The following VIPR2 variants were observed in gnomAD, a reference collection of about 807,000 sequenced individuals.
The protein encoded by VIPR2 is vasoactive intestinal peptide receptor 2, also known as vasoactive intestinal polypeptide receptor 2.
Under a neutral mutation model 58.0 loss-of-function variants are expected in VIPR2, and 48 were observed. The ratio of observed to expected loss-of-function variants is 0.83; its 90% CI spans 0.66 to 1.05. VIPR2 has a LOEUF of 1.05. VIPR2 is among the 50% of genes least tolerant of loss of function. The pLI is 0.00. For synonymous variants in VIPR2, 243 were observed against 235.2 expected (o/e 1.03, Z -0.30); for missense variants, 534 against 558.0 (o/e 0.96, Z 0.43).
chr7:159,056,558 C>CAAATA (rs1855338646), intron 5 of VIPR2, among the ~76,000 whole-genome samples: 1 of 152,096 alleles, frequency 6.6e-6, no homozygotes, highest in Non-Finnish European at 1.5e-5. Flanking sequence ...GGATGACTCC[C>CAAATA]CTACAAAGCT....
At chr7:159,035,576 C>T (rs754842398) in intron 8 of VIPR2, among the ~76,000 whole-genome samples, 7 of 152,150 alleles carry the variant, frequency 4.6e-5, no homozygotes, top group Middle Eastern at 3.2e-3. Flanking sequence ...TAGGAAGTGC[C>T]GGGGGGCCCT....
chr7:159,117,160 G>A (rs545127674), intron 2 of VIPR2: 3 of 622,244 alleles, frequency 4.8e-6, no homozygotes, highest in South Asian at 1.9e-5. Context: ...AGGACGGAGT[G>A]CGGGAGCCAG....
intron 6 of VIPR2, among the ~76,000 whole-genome samples, chr7:159,040,257 T>A (rs757690533): frequency 2.0e-5 from 3 of 152,128 alleles, no homozygotes; most frequent in Non-Finnish European, 4.4e-5. Flanking sequence ...CCCACAGGGT[T>A]GATGTGAGGA....
chr7:159,036,661 C>T lies in VIPR2; in HGVS notation c.748+91G>A, dbSNP rs141052651. 122 of 1,456,322 alleles carry T rather than the reference C, an allele frequency of 8.4e-5. 1 individual carries two copies. The African/African-American group carries it at 1.3e-3, about 16-fold the overall frequency. The allele number at this position is 1,456,322 out of a possible 1,614,324, so 90.2% of individuals were successfully genotyped here. A position where few individuals can be genotyped will look rare whatever the true frequency, so the allele number is the denominator to read the frequency against. ...GACCCTGACATGCATTCTACGGGGGCGGCAAAGTGTTTTCTGAGCTGAAAA... is the reference window on the plus strand; with the variant it reads ...GACCCTGACATGCATTCTACGGGGGTGGCAAAGTGTTTTCTGAGCTGAAAA... On this transcript the variant is annotated intron_variant, in intron 7 of 12. Coordinates refer to ENST00000262178, the MANE Select transcript of VIPR2 (RefSeq NM_003382.5).
At chr7:159,110,935 A>G (rs114511721) in intron 2 of VIPR2, among the ~76,000 whole-genome samples, 2,786 of 152,360 alleles carry the variant, frequency 0.018, 69 homozygotes, top group African/African-American at 0.063. Flanking sequence ...TATATTTATT[A>G]TAAAATAAAA....
chr7:159,114,645 A>C (rs913355912), intron 2 of VIPR2, among the ~76,000 whole-genome samples: 2 of 152,196 alleles, frequency 1.3e-5, no homozygotes, highest in African/African-American at 4.8e-5. Context: ...ATTTGTTAAA[A>C]ATAGCAAGCA....
chr7:159,036,135 TGTTTA>T, intron 7 of VIPR2, 123 bp from the exon 8 acceptor site: 1 of 1,164,738 alleles, frequency 8.6e-7, no homozygotes, highest in Non-Finnish European at 1.2e-6. Flanking sequence ...TGCAATCTCT[TGTTTA>T]AAGTCTTTGT....
At chr7:159,085,924 C>T (rs113719140) in intron 4 of VIPR2, among the ~76,000 whole-genome samples, 2,969 of 152,224 alleles carry the variant, frequency 0.02, 105 homozygotes, top group African/African-American at 0.066. Flanking sequence ...GCTGTGATGG[C>T]GGGTCCTTGT....
chr7:159,038,998 G>A (rs919179193), intron 6 of VIPR2, among the ~76,000 whole-genome samples: 2 of 152,200 alleles, frequency 1.3e-5, no homozygotes, highest in Non-Finnish European at 1.5e-5. Context: ...CAGGTGCGCT[G>A]CCCTGGAGTG....
At chr7:159,135,019 T>TTTTTTTTTTTTTTG (rs1797150641) in intron 2 of VIPR2, among the ~76,000 whole-genome samples, 1 of 130,608 alleles carries the variant, frequency 7.7e-6, no homozygotes, top group Non-Finnish European at 1.6e-5. Context: ...TTTTTTTTTT[T>TTTTTTTTTTTTTTG]TTTTTTTTTT....
intron 4 of VIPR2, among the ~76,000 whole-genome samples, chr7:159,063,426 G>A (rs1303151630): frequency 1.3e-5 from 2 of 152,008 alleles, no homozygotes; most frequent in Non-Finnish European, 2.9e-5. Flanking sequence ...CCGGCCGGCC[G>A]CTCCAAGTGC....
At chr7:159,139,526 C>A (rs778533257) in intron 2 of VIPR2, among the ~76,000 whole-genome samples, 76 of 152,218 alleles carry the variant, frequency 5.0e-4, no homozygotes, top group Non-Finnish European at 9.3e-4. Context: ...GGAATGACCT[C>A]AAACCCTCCA....
intron 2 of VIPR2, among the ~76,000 whole-genome samples, chr7:159,114,966 A>G (rs1796183347): frequency 6.6e-6 from 1 of 152,256 alleles, no homozygotes; most frequent in African/African-American, 2.4e-5. Flanking sequence ...ACAATGTGTC[A>G]TAAGTTGCAG....
intron 4 of VIPR2, among the ~76,000 whole-genome samples, chr7:159,079,778 A>T (rs1307910665): frequency 1.3e-5 from 2 of 152,232 alleles, no homozygotes; most frequent in Non-Finnish European, 2.9e-5. Flanking sequence ...AAAATGACAA[A>T]GGGGCTATCA....
chr7:159,060,168 C>G (rs1855560053), intron 4 of VIPR2, among the ~76,000 whole-genome samples: 1 of 150,634 alleles, frequency 6.6e-6, no homozygotes, highest in African/African-American at 2.4e-5. Context: ...CACCTTCACT[C>G]ACCTAACCAC....
chr7:159,043,292 G>C (rs953614698), intron 5 of VIPR2, 116 bp from the exon 6 acceptor site: 5 of 931,934 alleles, frequency 5.4e-6, no homozygotes, highest in Non-Finnish European at 7.4e-6. Context: ...AAAAATAAAA[G>C]AGTTGAGGGC....
intron 5 of VIPR2, among the ~76,000 whole-genome samples, chr7:159,044,775 T>G (rs754811708): frequency 3.9e-5 from 6 of 152,002 alleles, no homozygotes; most frequent in Non-Finnish European, 8.8e-5. Flanking sequence ...AAGCAGGTTT[T>G]TTTTTTTGGA....
At chr7:159,062,153 G>A (rs1412937842) in intron 4 of VIPR2, among the ~76,000 whole-genome samples, 3 of 152,184 alleles carry the variant, frequency 2.0e-5, no homozygotes, top group Admixed American at 1.3e-4. Flanking sequence ...GGGGGCCCGC[G>A]GGCCTTCCCG....
intron 3 of VIPR2, among the ~76,000 whole-genome samples, chr7:159,105,207 C>T (rs953011146): frequency 2.6e-5 from 4 of 152,166 alleles, no homozygotes; most frequent in African/African-American, 9.7e-5. Context: ...AACGCCGTGC[C>T]AGCCTTGCCC....
Sources: allele counts gnomAD v4.1 joint callset (sites outside exome capture counted in the v4.1 genomes callset), GRCh38; gene constraint gnomAD v4.1.1; transcripts MANE v1.5; gene names NCBI Gene and HGNC (gene_info 2026-07-23, HGNC 2026-07-21).